ADGRL3: variants seen among roughly 807,000 people sequenced by gnomAD.
ADGRL3 encodes the protein adhesion G protein-coupled receptor L3, also known as calcium-independent alpha-latrotoxin receptor 3.
In ADGRL3, 62 loss-of-function variants were observed where a neutral mutation model predicts 153.5. The ratio of observed to expected loss-of-function variants is 0.40; its 90% CI spans 0.33 to 0.50. The LOEUF (loss-of-function observed/expected upper bound fraction) is 0.50, where lower values mean the gene tolerates loss of function less well. ADGRL3 is among the 20% of genes least tolerant of loss of function. The pLI, the probability that ADGRL3 is intolerant of heterozygous loss-of-function variation, is 0.47. For synonymous variants in ADGRL3, 710 were observed against 672.5 expected, an observed-to-expected ratio of 1.06 and a Z score of -0.86; for missense variants, 1,641 against 1,859.4, an observed-to-expected ratio of 0.88 and a Z score of 2.16.
At chr4:61,726,166 A>G (rs2096333156) in intron 6 of ADGRL3, among the ~76,000 whole-genome samples, 1 of 148,464 alleles carries the variant, frequency 6.7e-6, no homozygotes, top group African/African-American at 2.5e-5. Flanking sequence ...TTTTTAGTGC[A>G]AACATGATGC....
chr4:61,398,165 T>C (rs2096889716), intron 2 of ADGRL3, among the ~76,000 whole-genome samples: 1 of 151,910 alleles, frequency 6.6e-6, no homozygotes, highest in Non-Finnish European at 1.5e-5. Context: ...CTTTGTGATA[T>C]GTTCAAGAAT....
intron 5 of ADGRL3, among the ~76,000 whole-genome samples, chr4:61,588,350 A>G (rs1394698815): frequency 1.3e-5 from 2 of 152,008 alleles, no homozygotes; most frequent in African/African-American, 2.4e-5. Context: ...TCTCTTTTGT[A>G]CTTAGGAAAG....
intron 2 of ADGRL3, among the ~76,000 whole-genome samples, chr4:61,384,744 C>T (rs985840141): frequency 2.6e-5 from 4 of 151,938 alleles, no homozygotes; most frequent in Non-Finnish European, 5.9e-5. Flanking sequence ...AATAAACTCT[C>T]AGCCCTAAAG....
chr4:61,693,243 A>AATT (rs1464422320), intron 6 of ADGRL3, among the ~76,000 whole-genome samples: 7 of 152,092 alleles, frequency 4.6e-5, no homozygotes, highest in African/African-American at 1.7e-4. Context: ...CTATTATTAC[A>AATT]ATTATTTATT....
intron 6 of ADGRL3, among the ~76,000 whole-genome samples, chr4:61,681,293 AT>A (rs770648880): frequency 3.3e-5 from 5 of 152,090 alleles, no homozygotes; most frequent in Non-Finnish European, 7.4e-5. Context: ...CTGCTGACAA[AT>A]TGTCTTTCTT....
In ADGRL3 at chr4:61,302,132, TAA is replaced by T. The variant is rs1260694730; in HGVS notation, c.-239-80988_-239-80987del. ...TTATTGCAGAAGTGGATTAAAAGGATAAAAATGGCAGAAGATTGTGCTTGAGA... is the reference window on the plus strand; with the variant it reads ...TTATTGCAGAAGTGGATTAAAAGGATAAATGGCAGAAGATTGTGCTTGAGA... On this transcript the variant is annotated intron_variant, in intron 1 of 26. Transcript: ENST00000683033. Among the ~76,000 whole-genome samples the T allele has an allele frequency of 4.6e-5, 7 of 152,290 alleles. No individual in the cohort carries two copies. The East Asian group carries it at 1.4e-3, about 29-fold the overall frequency.
chr4:61,554,491 C>T (rs993749292), intron 4 of ADGRL3, among the ~76,000 whole-genome samples: 7 of 151,994 alleles, frequency 4.6e-5, no homozygotes, highest in Admixed American at 3.3e-4. Flanking sequence ...CCACTGCGCC[C>T]GGCCTAGGTA....
chr4:61,741,958 G>A (rs2096585477), intron 8 of ADGRL3, among the ~76,000 whole-genome samples: 1 of 152,214 alleles, frequency 6.6e-6, no homozygotes, highest in Non-Finnish European at 1.5e-5. Flanking sequence ...ACTTATTTGT[G>A]AATAAGCTTC....
intron 3 of ADGRL3, among the ~76,000 whole-genome samples, 184 bp from the exon 4 acceptor site, chr4:61,517,131 A>G (rs2098501202): frequency 6.7e-6 from 1 of 150,206 alleles, no homozygotes; most frequent in African/African-American, 2.5e-5. Context: ...ATAGCATTAT[A>G]CTAGGGGCCA....
intron 2 of ADGRL3, among the ~76,000 whole-genome samples, chr4:61,462,298 C>G (rs990511759): frequency 7.2e-5 from 11 of 152,110 alleles, no homozygotes; most frequent in Non-Finnish European, 1.2e-4. Flanking sequence ...CAAATCTTGT[C>G]TTTTATTAAA....
At chr4:61,704,860 A>T (rs2095829486) in intron 6 of ADGRL3, among the ~76,000 whole-genome samples, 1 of 152,212 alleles carries the variant, frequency 6.6e-6, no homozygotes, top group Admixed American at 6.5e-5. Context: ...CATAGGTAGC[A>T]GCTTCTCATT....
chr4:61,372,226 A>T (rs896748144), intron 1 of ADGRL3, among the ~76,000 whole-genome samples: 20 of 152,128 alleles, frequency 1.3e-4, no homozygotes, highest in Non-Finnish European at 2.6e-4. Context: ...TTCTTCTCTC[A>T]GCTCGTCAAA....
chr4:61,696,896 C>G (rs953474201), intron 6 of ADGRL3, among the ~76,000 whole-genome samples: 1 of 151,882 alleles, frequency 6.6e-6, no homozygotes. Flanking sequence ...AGGCTGGTCT[C>G]GAACTCCTGA....
chr4:61,710,180 G>A (rs1227032408), intron 6 of ADGRL3, among the ~76,000 whole-genome samples: 1 of 152,064 alleles, frequency 6.6e-6, no homozygotes. Flanking sequence ...GTTTGTCCCA[G>A]GCTTTGGAGT....
At chr4:61,711,799 T>TTGTA (rs1238492597) in intron 6 of ADGRL3, among the ~76,000 whole-genome samples, 1 of 151,998 alleles carries the variant, frequency 6.6e-6, no homozygotes, top group Admixed American at 6.6e-5. Flanking sequence ...ACTTCACTAC[T>TTGTA]TGTAATAAGA....
chr4:61,830,131 TC>T (rs2097852850), intron 9 of ADGRL3, among the ~76,000 whole-genome samples: 1 of 152,018 alleles, frequency 6.6e-6, no homozygotes, highest in African/African-American at 2.4e-5. Context: ...TACCTCTGCC[TC>T]CCAAGCTAGG....
At chr4:61,385,111 TAACGGGGC>T (rs1261142656) in intron 2 of ADGRL3, among the ~76,000 whole-genome samples, 1 of 152,100 alleles carries the variant, frequency 6.6e-6, no homozygotes, top group African/African-American at 2.4e-5. Flanking sequence ...GCCAAACATT[TAACGGGGC>T]AACAATCCCT....
At chr4:61,382,924 G>A (rs1244622687) in intron 1 of ADGRL3, among the ~76,000 whole-genome samples, 200 bp from the exon 2 acceptor site, 1 of 151,782 alleles carries the variant, frequency 6.6e-6, no homozygotes, top group Non-Finnish European at 1.5e-5. Flanking sequence ...TAATAAATTA[G>A]ATAGTCTAGG....
chr4:61,747,104 G>C (rs1160767016), intron 8 of ADGRL3, among the ~76,000 whole-genome samples: 9 of 152,120 alleles, frequency 5.9e-5, no homozygotes, highest in Admixed American at 2.0e-4. Context: ...ACTAGAAAAT[G>C]TAGAAGAAAT....
Sources: gnomAD v4.1 joint callset for allele counts (sites outside exome capture counted in the v4.1 genomes callset) on GRCh38, gnomAD v4.1.1 for gene constraint, MANE v1.5 for transcripts, NCBI Gene and HGNC (gene_info 2026-07-23, HGNC 2026-07-21) for gene names.